Variants in NKAIN3 observed in about 807,000 individuals in gnomAD.
The protein encoded by NKAIN3 is sodium/potassium-transporting ATPase subunit beta-1-interacting protein 3.
Under a neutral mutation model 30.2 loss-of-function variants are expected in NKAIN3, and 25 were observed. That is an observed-to-expected ratio of 0.83 (90% CI 0.60 to 1.16). The LOEUF (loss-of-function observed/expected upper bound fraction) is 1.16. Among genes scored for constraint, NKAIN3 ranks in the 50% most tolerant of loss-of-function variants. NKAIN3 has a pLI of 0.00. For missense variants in NKAIN3, 225 were observed against 254.1 expected (o/e 0.89, Z 0.78); for synonymous variants, 91 against 89.6 (o/e 1.02, Z -0.09).
intron 3 of NKAIN3, among the ~76,000 whole-genome samples, chr8:62,634,457 C>A (rs2130277905): frequency 6.6e-6 from 1 of 152,282 alleles, no homozygotes; most frequent in South Asian, 2.1e-4. Context: ...CTGCAACAAC[C>A]AATTAAAGGC....
At chr8:62,788,920 G>A (rs1476454896) in intron 4 of NKAIN3, among the ~76,000 whole-genome samples, 1 of 152,154 alleles carries the variant, frequency 6.6e-6, no homozygotes, top group African/African-American at 2.4e-5. Context: ...GTACCGTTCT[G>A]TTTTGGTTAC....
At chr8:62,371,598 C>T (rs1456737106) in intron 1 of NKAIN3, among the ~76,000 whole-genome samples, 1 of 151,674 alleles carries the variant, frequency 6.6e-6, no homozygotes, top group South Asian at 2.1e-4. Context: ...AAATTTTTGC[C>T]TTTCAATATG....
At chr8:62,694,000 G>A (rs1348554250) in intron 3 of NKAIN3, among the ~76,000 whole-genome samples, 3 of 152,132 alleles carry the variant, frequency 2.0e-5, no homozygotes, top group Admixed American at 6.5e-5. Flanking sequence ...GGAGGTACAA[G>A]TGATGTTTTG....
chr8:62,943,733 T>A lies in NKAIN3; in HGVS notation c.533-10169T>A, dbSNP rs975656076. Among the ~76,000 whole-genome samples the A allele has an allele frequency of 8.8e-5, 13 of 148,062 alleles. No homozygotes were observed. In the East Asian group the frequency reaches 2.1e-3, roughly 24 times the overall value. ...TAAAGAAAATTTTTTAAAATGTATA[T>A]ATTTATATATTTATATTTATATGAT... is the stretch of plus-strand genomic sequence containing the variant. On this transcript the variant is annotated intron_variant, in intron 5 of 6. Transcript: ENST00000623646.
At chr8:62,263,776 C>T (rs1370409205) in intron 1 of NKAIN3, among the ~76,000 whole-genome samples, 1 of 152,076 alleles carries the variant, frequency 6.6e-6, no homozygotes, top group Non-Finnish European at 1.5e-5. Context: ...GGAATAAAAT[C>T]GTTGAATATT....
intron 1 of NKAIN3, among the ~76,000 whole-genome samples, chr8:62,384,362 A>G (rs997025504): frequency 3.3e-5 from 5 of 152,196 alleles, no homozygotes; most frequent in African/African-American, 1.2e-4. Context: ...GAATGATGCC[A>G]TCTATGGCCC....
intron 4 of NKAIN3, among the ~76,000 whole-genome samples, chr8:62,830,371 G>A (rs974807866): frequency 3.9e-5 from 6 of 151,990 alleles, no homozygotes; most frequent in African/African-American, 7.2e-5. Context: ...AGTGTACTAG[G>A]ATTAAACCTG....
intron 5 of NKAIN3, among the ~76,000 whole-genome samples, chr8:62,922,757 TTG>T (rs985273340): frequency 2.0e-5 from 3 of 152,094 alleles, no homozygotes; most frequent in African/African-American, 4.8e-5. Flanking sequence ...TTTTTTTTTT[TTG>T]GTAACTATCT....
intron 3 of NKAIN3, among the ~76,000 whole-genome samples, chr8:62,728,209 A>G (rs565507542): frequency 6.6e-6 from 1 of 152,318 alleles, no homozygotes; most frequent in South Asian, 2.1e-4. Flanking sequence ...ATACTCCTAG[A>G]TCATCAGAGA....
At chr8:62,557,902 T>C (rs907394731) in intron 1 of NKAIN3, among the ~76,000 whole-genome samples, 5 of 152,190 alleles carry the variant, frequency 3.3e-5, no homozygotes, top group African/African-American at 1.2e-4. Context: ...GCAAAAGCTC[T>C]TTAGTTTAAT....
At chr8:62,491,421 T>A (rs138147298) in intron 1 of NKAIN3, among the ~76,000 whole-genome samples, 22 of 152,326 alleles carry the variant, frequency 1.4e-4, no homozygotes, top group African/African-American at 5.0e-4. Flanking sequence ...TAGAAGTAAC[T>A]GAGTGTCAGA....
chr8:62,520,938 C>T (rs181468015), intron 1 of NKAIN3, among the ~76,000 whole-genome samples: 447 of 151,262 alleles, frequency 3.0e-3, no homozygotes, highest in African/African-American at 9.2e-3. Context: ...AGGAAGTAGC[C>T]GACTTCTGCT....
intron 5 of NKAIN3, among the ~76,000 whole-genome samples, chr8:62,919,729 G>A (rs1464256305): frequency 2.6e-5 from 4 of 152,108 alleles, no homozygotes; most frequent in Admixed American, 2.6e-4. Flanking sequence ...CCTCAAAGGG[G>A]TCTGATGAAC....
At chr8:62,611,962 T>A (rs1403431467) in intron 3 of NKAIN3, among the ~76,000 whole-genome samples, 2 of 152,104 alleles carry the variant, frequency 1.3e-5, no homozygotes, top group Non-Finnish European at 2.9e-5. Flanking sequence ...TTATTGCGTG[T>A]CTTTTGGAAA....
At chr8:62,837,397 T>C (rs1819398436) in intron 4 of NKAIN3, among the ~76,000 whole-genome samples, 1 of 152,178 alleles carries the variant, frequency 6.6e-6, no homozygotes, top group African/African-American at 2.4e-5. Context: ...GCCCTTATAG[T>C]TGGTATCGGG....
At chr8:62,441,642 G>A (rs1805328554) in intron 1 of NKAIN3, among the ~76,000 whole-genome samples, 1 of 151,780 alleles carries the variant, frequency 6.6e-6, no homozygotes, top group Non-Finnish European at 1.5e-5. Context: ...TAATTTTTAA[G>A]AATGTGCCTG....
intron 3 of NKAIN3, among the ~76,000 whole-genome samples, chr8:62,616,105 C>T (rs1809545608): frequency 6.6e-6 from 1 of 152,086 alleles, no homozygotes; most frequent in Non-Finnish European, 1.5e-5. Flanking sequence ...TGAAAATTCA[C>T]ATTTTTATTG....
At position 62,316,826 on chromosome 8, in the gene NKAIN3, T is replaced by C. The variant is rs190606860; in HGVS notation, c.54+67699T>C. On this transcript the variant is annotated intron_variant, in intron 1 of 6. Coordinates refer to ENST00000623646, the MANE Select transcript of NKAIN3 (RefSeq NM_001304533.3). ...GGATGGCTGGGTCAAATGGTATTTC[T>C]AGTTCTAGATCCTGAGGAATCGCCA... 9.7e-4 allele frequency among the ~76,000 whole-genome samples: 147 copies of C among 152,304 alleles called. 3 individuals are homozygous for C. In the East Asian group the frequency reaches 0.026, roughly 27 times the overall value.
At chr8:62,357,661 T>C (rs1816402774) in intron 1 of NKAIN3, among the ~76,000 whole-genome samples, 1 of 152,008 alleles carries the variant, frequency 6.6e-6, no homozygotes, top group African/African-American at 2.4e-5. Flanking sequence ...AAGCCCAAAC[T>C]CCTAAACATG....
Sources: gnomAD v4.1 joint callset for allele counts (sites outside exome capture counted in the v4.1 genomes callset) on GRCh38, gnomAD v4.1.1 for gene constraint, MANE v1.5 for transcripts, NCBI Gene and HGNC (gene_info 2026-07-23, HGNC 2026-07-21) for gene names.